Variants in CNPY3 observed in about 807,000 individuals in gnomAD.
CNPY3 encodes the protein canopy FGF signaling regulator 3, also known as protein canopy homolog 3.
Under a neutral mutation model 32.0 loss-of-function variants are expected in CNPY3, and 20 were observed. The observed-to-expected ratio is 0.63, with a 90% CI of 0.44 to 0.91. CNPY3 has a LOEUF of 0.91. CNPY3 is among the 40% of genes least tolerant of loss of function. The pLI is 0.00. For missense variants in CNPY3, 299 were observed against 340.8 expected, an observed-to-expected ratio of 0.88 and a Z score of 0.97; for synonymous variants, 138 against 142.9, an observed-to-expected ratio of 0.97 and a Z score of 0.24.
rs548586566 is a variant in CNPY3 at position 42,929,655 on chromosome 6, G to A, written c.85G>A (p.Glu29Lys). The A allele has an allele frequency of 1.9e-6, 3 of 1,553,522 alleles. No individual in the cohort carries two copies. Among genetic ancestry groups the A allele is most frequent in the East Asian group, 2.4e-5 (1 of 41,334 alleles). ...LLLLLLLPAP[E>K]LGPSQAGAEE... Reference sequence around the variant, plus strand: ...GCTGCTGCTGCTGCTGCCGGCCCCGGAGCTGGGCCCGAGCCAGGCCGGAGC... The same window carrying A: ...GCTGCTGCTGCTGCTGCCGGCCCCGAAGCTGGGCCCGAGCCAGGCCGGAGC... The change falls in exon 1 of 6, where the codon GAG becomes AAG. Residue 29 changes from glutamate to lysine, a missense_variant. Glu to Lys is a moderately conservative substitution (Grantham distance 56). Coordinates refer to ENST00000372836, the MANE Select transcript of CNPY3 (RefSeq NM_006586.5).
chr6:42,929,668 G>C lies in CNPY3; in HGVS notation c.98G>C (p.Ser33Thr). Reference sequence around the variant, plus strand: ...CTGCCGGCCCCGGAGCTGGGCCCGAGCCAGGCCGGAGCTGAGGAGAACGAC... The same window carrying C: ...CTGCCGGCCCCGGAGCTGGGCCCGACCCAGGCCGGAGCTGAGGAGAACGAC... ...LLLPAPELGP[S>T]QAGAEENDWV... Residue 33 changes from serine to threonine, a missense_variant, in exon 1 of 6, where the codon AGC becomes ACC. By Grantham distance (58) the Ser-to-Thr change is moderately conservative. This residue lies in a region of CNPY3 where 88 missense variants were observed against 62.5 expected (regional missense o/e 1.41). Coordinates refer to ENST00000372836, the MANE Select transcript of CNPY3 (RefSeq NM_006586.5). 6.4e-7 allele frequency: 1 copy of C among 1,552,918 alleles called. No individual in the cohort carries two copies. The highest frequency in any genetic ancestry group is 8.7e-7 in the Non-Finnish European group (1 of 1,148,354).
At chr6:42,929,854 C>A in intron 1 of CNPY3, 133 bp downstream of exon 1, 1 of 1,078,218 alleles carries the variant, frequency 9.3e-7, no homozygotes, top group Non-Finnish European at 1.3e-6. Flanking sequence ...CAGGCTTGCG[C>A]CGGGACGCTG....
upstream of CNPY3, chr6:42,929,352 A>G (rs1427441733): frequency 3.5e-6 from 2 of 574,410 alleles, no homozygotes; most frequent in Non-Finnish European, 6.1e-6. Flanking sequence ...TTAGCTAGAG[A>G]GCAAACCCCA....
intron 1 of CNPY3, among the ~76,000 whole-genome samples, chr6:42,931,330 G>C (rs1291118229): frequency 1.3e-5 from 2 of 150,630 alleles, no homozygotes; most frequent in South Asian, 2.1e-4. Flanking sequence ...CACCCTCCTC[G>C]GCCTTACAAA....
At chr6:42,929,005 C>T (rs1266475862), upstream of CNPY3, among the ~76,000 whole-genome samples, 1 of 152,116 alleles carries the variant, frequency 6.6e-6, no homozygotes, top group Non-Finnish European at 1.5e-5. Context: ...GCACCTTAAG[C>T]GCCTACAAGA....
At chr6:42,931,531 G>A (rs752199490) in intron 1 of CNPY3, among the ~76,000 whole-genome samples, 10 of 151,094 alleles carry the variant, frequency 6.6e-5, no homozygotes, top group Non-Finnish European at 1.0e-4. Context: ...CACCACTCCC[G>A]GCTATTTTTA....
rs568230415 is a variant in CNPY3 at position 42,929,703 on chromosome 6, C to T, written c.133C>T (p.Leu45=). 2 of 1,548,332 alleles carry T rather than the reference C, an allele frequency of 1.3e-6. No homozygotes were observed. The highest frequency in any genetic ancestry group is 4.9e-5 in the East Asian group (2 of 40,914). Residue 45 remains leucine (L), a synonymous_variant, in exon 1 of 6, where the codon CTG becomes TTG. Coordinates refer to ENST00000372836, the MANE Select transcript of CNPY3 (RefSeq NM_006586.5). Reference sequence around the variant, plus strand: ...AGCTGAGGAGAACGACTGGGTTCGCCTGCCCAGCAAATGCGAAGGTGAGGA... The same window carrying T: ...AGCTGAGGAGAACGACTGGGTTCGCTTGCCCAGCAAATGCGAAGGTGAGGA... ...AGAEENDWVR[L]PSKCEVCKYV...
chr6:42,937,929 G>A (rs984383350), intron 4 of CNPY3, 90 bp downstream of exon 4: 36 of 1,559,344 alleles, frequency 2.3e-5, no homozygotes, highest in Admixed American at 5.1e-5. Context: ...CACCCAGGCC[G>A]GGGTGGCTTT....
upstream of CNPY3, among the ~76,000 whole-genome samples, chr6:42,928,873 T>C (rs1001068738): frequency 2.3e-4 from 35 of 152,182 alleles, no homozygotes; most frequent in Middle Eastern, 3.2e-3. Flanking sequence ...GAGGATCACT[T>C]TGTCGTCATA....
intron 2 of CNPY3, among the ~76,000 whole-genome samples, chr6:42,935,240 TA>T (rs60358183): frequency 3.9e-5 from 6 of 152,316 alleles, no homozygotes; most frequent in African/African-American, 1.2e-4. Context: ...ATATAGTTTT[TA>T]AAAACCCAAT....
At chr6:42,928,055 T>TC (rs34394488), upstream of CNPY3, among the ~76,000 whole-genome samples, 16,075 of 152,008 alleles carry the variant, frequency 0.11, 1,277 homozygotes, top group African/African-American at 0.21. Context: ...TGGCGTGATC[T>TC]CGGCTCACTG....
intron 1 of CNPY3, 83 bp downstream of exon 1, chr6:42,929,804 G>C: frequency 6.9e-7 from 1 of 1,441,682 alleles, no homozygotes; most frequent in Non-Finnish European, 9.3e-7. Context: ...GTCGGGGGTT[G>C]CAAGGTTCCG....
chr6:42,932,544 T>C lies in CNPY3; in HGVS notation c.152-1931T>C, dbSNP rs138246864. On this transcript the variant is annotated intron_variant, in intron 1 of 5. Coordinates refer to ENST00000372836, the MANE Select transcript of CNPY3 (RefSeq NM_006586.5). ...GTTTGGAAGAGCTGGAAAGCAAGGCTGTGGTTGATGGGTATGAGAGAGAAA... is the reference window on the plus strand; with the variant it reads ...GTTTGGAAGAGCTGGAAAGCAAGGCCGTGGTTGATGGGTATGAGAGAGAAA... Among the ~76,000 whole-genome samples, 252 of 152,244 alleles carry C rather than the reference T, an allele frequency of 1.7e-3. 1 individual carries two copies. Among genetic ancestry groups the C allele is most frequent in the African/African-American group, 5.5e-3 (228 of 41,546 alleles).
rs1396101612 is a variant in CNPY3, at chr6:42,937,470, T to C, written c.373-247T>C. Among the ~76,000 whole-genome samples the C allele has an allele frequency of 2.0e-5, 3 of 152,074 alleles. No individual in the cohort carries two copies. In the South Asian group the frequency reaches 6.2e-4, roughly 31 times the overall value. On this transcript the variant is annotated intron_variant, in intron 3 of 5. Coordinates refer to ENST00000372836, the MANE Select transcript of CNPY3 (RefSeq NM_006586.5). The stretch of plus-strand genomic sequence containing the variant: ...TTAGCCGGGTATGGTGGCACGCCTT[T>C]GTAGTCCCAGCTGCTTGGGAGGCTG...
intron 1 of CNPY3, 27 bp from the exon 2 acceptor site, chr6:42,934,448 G>C (rs1768066829): frequency 6.2e-7 from 1 of 1,613,456 alleles, no homozygotes; most frequent in Admixed American, 1.7e-5. Context: ...TGTGCACTCA[G>C]TGGGCTGTGC....
intron 1 of CNPY3, among the ~76,000 whole-genome samples, chr6:42,933,152 T>C (rs531357958): frequency 5.9e-5 from 9 of 152,256 alleles, no homozygotes; most frequent in African/African-American, 2.2e-4. Flanking sequence ...TAGTGCAGAA[T>C]GGCTTCCTGG....
chr6:42,934,896 C>T (rs923765991), intron 2 of CNPY3, among the ~76,000 whole-genome samples: 2 of 152,204 alleles, frequency 1.3e-5, no homozygotes, highest in African/African-American at 4.8e-5. Context: ...CGGAGTTTCA[C>T]TCTTGTTGCC....
chr6:42,935,939 C>T (rs1372402981), intron 3 of CNPY3, among the ~76,000 whole-genome samples: 3 of 150,462 alleles, frequency 2.0e-5, no homozygotes, highest in African/African-American at 7.5e-5. Context: ...CCCGTGGGAA[C>T]CTAAAGACAC....
At chr6:42,929,806 A>C in intron 1 of CNPY3, 85 bp downstream of exon 1, 2 of 1,439,778 alleles carry the variant, frequency 1.4e-6, no homozygotes. Context: ...CGGGGGTTGC[A>C]AGGTTCCGAG....
Sources: allele counts gnomAD v4.1 joint callset (sites outside exome capture counted in the v4.1 genomes callset), GRCh38; gene constraint gnomAD v4.1.1; regional missense constraint gnomAD v4.1.1; transcripts MANE v1.5; gene names NCBI Gene and HGNC (gene_info 2026-07-23, HGNC 2026-07-21).